ABL2: variants seen among roughly 807,000 people sequenced by gnomAD.
ABL2 encodes the protein tyrosine-protein kinase ABL2.
Under a neutral mutation model 107.7 loss-of-function variants are expected in ABL2, and 49 were observed. The observed-to-expected ratio is 0.45, with a 90% CI of 0.36 to 0.58. ABL2 has a LOEUF of 0.58. Among genes scored for constraint, ABL2 ranks in the 20% least tolerant of loss-of-function variants. The pLI, the probability that ABL2 is intolerant of heterozygous loss-of-function variation, is 0.00. For missense variants in ABL2, 1,245 were observed against 1,457.0 expected (o/e 0.85, Z 2.37); for synonymous variants, 549 against 548.6 (o/e 1.00, Z -0.01).
chr1:179,201,379 T>A (rs541559252), intron 1 of ABL2: 2 of 152,840 alleles, frequency 1.3e-5, no homozygotes, highest in East Asian at 1.9e-4. Flanking sequence ...CTTTTAAAAC[T>A]TTTACAAGCC....
intron 1 of ABL2, among the ~76,000 whole-genome samples, chr1:179,180,324 T>TA (rs1660298912): frequency 6.6e-6 from 1 of 151,760 alleles, no homozygotes; most frequent in Non-Finnish European, 1.5e-5. Flanking sequence ...AAGAAATCAA[T>TA]AAAAGCTGGT....
At chr1:179,131,736 C>T (rs1247363241) in intron 2 of ABL2, among the ~76,000 whole-genome samples, 1 of 152,184 alleles carries the variant, frequency 6.6e-6, no homozygotes, top group Admixed American at 6.5e-5. Flanking sequence ...GATTTATATG[C>T]ACTCACCAAA....
At chr1:179,181,085 A>G (rs1011120743) in intron 1 of ABL2, among the ~76,000 whole-genome samples, 1 of 152,250 alleles carries the variant, frequency 6.6e-6, no homozygotes, top group Non-Finnish European at 1.5e-5. Flanking sequence ...CTGTCTGTCC[A>G]GGCATGCTGC....
chr1:179,148,271 C>T (rs1227553320), intron 1 of ABL2, among the ~76,000 whole-genome samples: 1 of 152,082 alleles, frequency 6.6e-6, no homozygotes, highest in Non-Finnish European at 1.5e-5. Context: ...AACTCCTGAG[C>T]TCAAAGCGAT....
At chr1:179,221,970 G>T in intron 1 of ABL2, 1 of 229,190 alleles carries the variant, frequency 4.4e-6, no homozygotes, top group South Asian at 8.0e-5. Flanking sequence ...ATTAAAAGTG[G>T]ACATTCATAT....
At chr1:179,161,652 A>C (rs1452668278) in intron 1 of ABL2, among the ~76,000 whole-genome samples, 1 of 152,230 alleles carries the variant, frequency 6.6e-6, no homozygotes, top group East Asian at 1.9e-4. Flanking sequence ...TCAAGGCTGC[A>C]GTCAGCTGAG....
chr1:179,151,430 T>A (rs1027782589), intron 1 of ABL2, among the ~76,000 whole-genome samples: 1 of 152,256 alleles, frequency 6.6e-6, no homozygotes, highest in Non-Finnish European at 1.5e-5. Flanking sequence ...GCAATTGTTA[T>A]ACTAATATGG....
At chr1:179,219,185 T>A (rs1418409120) in intron 1 of ABL2, among the ~76,000 whole-genome samples, 1 of 152,164 alleles carries the variant, frequency 6.6e-6, no homozygotes, top group Non-Finnish European at 1.5e-5. Context: ...TGGGACTACA[T>A]GTGTGCACTA....
At position 179,106,285 on chromosome 1, in the gene ABL2, T is replaced by C. The variant is rs1374530692; in HGVS notation, c.*1433A>G. Reference sequence around the variant, plus strand: ...CCATCCTAATTAGCTTCCACAATTATAACTAAGGAAGGAAGGAAAAGGCCT... The same window carrying C: ...CCATCCTAATTAGCTTCCACAATTACAACTAAGGAAGGAAGGAAAAGGCCT... On this transcript the variant is annotated 3_prime_UTR_variant, in exon 12 of 12. Transcript: ENST00000502732. 8.8e-6 allele frequency: 2 copies of C among 228,192 alleles called. No homozygotes were observed. The highest frequency in any genetic ancestry group is 1.1e-4 in the Admixed American group (2 of 17,582). 14.1% of individuals were successfully genotyped at this position (228,192 alleles called of 1,614,324 possible). A position where few individuals can be genotyped will look rare whatever the true frequency, so the allele number is the denominator to read the frequency against.
chr1:179,118,117 C>A (rs1228817309), intron 7 of ABL2, among the ~76,000 whole-genome samples: 1 of 151,106 alleles, frequency 6.6e-6, no homozygotes, highest in Non-Finnish European at 1.5e-5. Context: ...CGCATCACTG[C>A]ATTCCAGCCT....
chr1:179,190,497 G>A (rs1660937548), intron 1 of ABL2, among the ~76,000 whole-genome samples: 1 of 152,084 alleles, frequency 6.6e-6, no homozygotes, highest in Non-Finnish European at 1.5e-5. Context: ...TAGGTTTCGT[G>A]GAAGCTTCAT....
intron 10 of ABL2, 116 bp from the exon 11 acceptor site, chr1:179,110,571 A>G: frequency 6.6e-7 from 1 of 1,504,798 alleles, no homozygotes; most frequent in Non-Finnish European, 8.8e-7. Context: ...ACTAAAATAC[A>G]TACACGGAAT....
Position 179,124,464 on chromosome 1 carries a change from C to CTTTTTTTTTTTT in ABL2, c.687+1901_687+1912dup, listed in dbSNP as rs562899587. Among the ~76,000 whole-genome samples, 48 of 83,354 alleles carry CTTTTTTTTTTTT rather than the reference C, an allele frequency of 5.8e-4. 6 individuals carry two copies. The highest frequency in any genetic ancestry group is 1.5e-3 in the African/African-American group (28 of 18,840). 54.7% of individuals were successfully genotyped at this position (83,354 alleles called of 152,430 possible). ...TTCTAACATCTTAGATTAGCTTCTG[C>CTTTTTTTTTTTT]TTTTTTTTTTTTTTTTTTTTTTGAG... is the stretch of plus-strand genomic sequence containing the variant. On this transcript the variant is annotated intron_variant, in intron 4 of 11. Transcript: ENST00000502732.
chr1:179,110,404 T>C lies in ABL2; in HGVS notation c.1703A>G (p.Tyr568Cys), dbSNP rs1243656580. ...RAASSSSVVP[Y>C]LPRLPILPSK... ...AGGAAGTATAGGTAGCCGGGGCAGGTATGGAACAACAGATGACGAGGAGGC... is the reference window on the plus strand; with the variant it reads ...AGGAAGTATAGGTAGCCGGGGCAGGCATGGAACAACAGATGACGAGGAGGC... Residue 568 changes from tyrosine (Y) to cysteine (C), a missense_variant, in exon 11 of 12, where the codon TAC becomes TGC. By Grantham distance (194) the Tyr-to-Cys change is radical. Around this residue, in one of 3 missense-constraint regions of ABL2, gnomAD observed 761 missense variants for 766.4 expected, o/e 0.99. Coordinates refer to ENST00000502732, the MANE Select transcript of ABL2 (RefSeq NM_007314.4). The C allele has an allele frequency of 6.2e-7, 1 of 1,614,098 alleles. No homozygotes were observed. Among genetic ancestry groups the C allele is most frequent in the East Asian group, 2.2e-5 (1 of 44,870 alleles).
At chr1:179,121,892 A>G in intron 4 of ABL2, 25 bp from the exon 5 acceptor site, 1 of 1,545,674 alleles carries the variant, frequency 6.5e-7, no homozygotes, top group African/African-American at 1.4e-5. Context: ...AGAAAAGCTA[A>G]ACAACTTGAA....
intron 1 of ABL2, among the ~76,000 whole-genome samples, chr1:179,183,055 C>T (rs1660471470): frequency 6.6e-6 from 1 of 151,974 alleles, no homozygotes; most frequent in South Asian, 2.1e-4. Flanking sequence ...CACTCTGTCA[C>T]CCAGGCCAGA....
rs760751897 is a variant in ABL2, at chr1:179,115,045, A to T, written c.1409-15T>A. 1.7e-5 allele frequency: 26 copies of T among 1,569,268 alleles called. No homozygotes were observed. Among genetic ancestry groups the T allele is most frequent in the African/African-American group, 1.1e-4 (8 of 73,148 alleles). ...TACCCCAAAAGCTGCATAAGGAATT[A>T]AAAAAAGCACTTAGTGTTTCTTCTC... On this transcript the variant is annotated splice_polypyrimidine_tract_variant and intron_variant, in intron 8 of 11. Coordinates refer to ENST00000502732, the MANE Select transcript of ABL2 (RefSeq NM_007314.4).
intron 1 of ABL2, among the ~76,000 whole-genome samples, chr1:179,218,563 AT>A (rs1361843210): frequency 6.6e-6 from 1 of 152,038 alleles, no homozygotes; most frequent in African/African-American, 2.4e-5. Context: ...CGCCCAGCTA[AT>A]TTTTGTATCT....
At chr1:179,154,382 A>C (rs1294123811) in intron 1 of ABL2, among the ~76,000 whole-genome samples, 2 of 152,200 alleles carry the variant, frequency 1.3e-5, no homozygotes, top group Non-Finnish European at 2.9e-5. Context: ...ACAAGGATCA[A>C]ACAGGATCTT....
Sources: allele counts gnomAD v4.1 joint callset (sites outside exome capture counted in the v4.1 genomes callset), GRCh38; gene constraint gnomAD v4.1.1; regional missense constraint gnomAD v4.1.1; transcripts MANE v1.5; gene names NCBI Gene and HGNC (gene_info 2026-07-23, HGNC 2026-07-21).